The following PPP2R2C variants were observed in gnomAD, a reference collection of about 807,000 sequenced individuals.
The protein encoded by PPP2R2C is protein phosphatase 2 regulatory subunit Bgamma.
PPP2R2C carries 10 observed loss-of-function variants against 45.3 expected under a neutral mutation model. The observed-to-expected ratio is 0.22, with a 90% CI of 0.14 to 0.37. The LOEUF (loss-of-function observed/expected upper bound fraction) is 0.37. Ranked by LOEUF, PPP2R2C falls within the 10% of genes least tolerant of loss-of-function variation. The pLI is 1.00. For missense variants in PPP2R2C, 308 were observed against 619.7 expected (o/e 0.50, Z 5.34); for synonymous variants, 257 against 245.4 (o/e 1.05, Z -0.44).
At chr4:6,411,006 G>T (rs1051611244) in intron 1 of PPP2R2C, among the ~76,000 whole-genome samples, 4 of 151,886 alleles carry the variant, frequency 2.6e-5, no homozygotes, top group Admixed American at 2.6e-4. Context: ...AAGTAGCTGG[G>T]ACTACAGGCG....
intron 2 of PPP2R2C, among the ~76,000 whole-genome samples, chr4:6,519,136 A>G (rs1168698738): frequency 6.6e-6 from 1 of 152,112 alleles, no homozygotes; most frequent in Non-Finnish European, 1.5e-5. Flanking sequence ...CAGACTCCTG[A>G]GAGGGGAGCA....
chr4:6,548,869 G>A (rs77211997), intron 1 of PPP2R2C, among the ~76,000 whole-genome samples: 2,395 of 152,248 alleles, frequency 0.016, 57 homozygotes, highest in African/African-American at 0.055. Context: ...TCTTGAAGGG[G>A]GATCTGAGCC....
chr4:6,408,592 T>C (rs1717955948), intron 1 of PPP2R2C, among the ~76,000 whole-genome samples: 1 of 151,980 alleles, frequency 6.6e-6, no homozygotes, highest in Non-Finnish European at 1.5e-5. Context: ...AGCAGGCGAG[T>C]GATTTCAGAC....
At chr4:6,554,868 A>G (rs1264279140) in intron 1 of PPP2R2C, among the ~76,000 whole-genome samples, 11 of 149,296 alleles carry the variant, frequency 7.4e-5, no homozygotes, top group Admixed American at 3.3e-4. Flanking sequence ...TCAAAAAAAA[A>G]AAAAAGAAAA....
chr4:6,433,456 C>T (rs376596209), intron 1 of PPP2R2C, among the ~76,000 whole-genome samples: 99 of 152,252 alleles, frequency 6.5e-4, no homozygotes, highest in African/African-American at 2.2e-3. Flanking sequence ...TCGCCTGAAA[C>T]GGTGCCGCCA....
intron 2 of PPP2R2C, among the ~76,000 whole-genome samples, chr4:6,511,504 ATGG>A (rs1268380529): frequency 0.025 from 236 of 9,596 alleles, 23 homozygotes; most frequent in African/African-American, 0.072. Context: ...GATGGCGGTG[ATGG>A]TGGTGGTGGT....
chr4:6,507,962 T>C (rs1320847746), intron 2 of PPP2R2C, among the ~76,000 whole-genome samples: 8 of 152,186 alleles, frequency 5.3e-5, no homozygotes, highest in African/African-American at 1.9e-4. Context: ...GGATGAGCTG[T>C]AGAGCAAAAA....
chr4:6,562,003 C>T lies in PPP2R2C; in HGVS notation c.-59+1557G>A, dbSNP rs186160906. On this transcript the variant is annotated intron_variant, in intron 1 of 9. Transcript: ENST00000506140. ...AGACATGACCGGATATAGTCCCTGC[C>T]CTCAAGGGGTGAGGGTATTCCCAGG... Among the ~76,000 whole-genome samples the T allele has an allele frequency of 5.3e-5, 8 of 152,320 alleles. No individual in the cohort carries two copies. The East Asian group carries it at 1.5e-3, about 29-fold the overall frequency.
intron 2 of PPP2R2C, among the ~76,000 whole-genome samples, chr4:6,512,766 G>T (rs922733628): frequency 6.6e-6 from 1 of 151,812 alleles, no homozygotes; most frequent in Non-Finnish European, 1.5e-5. Context: ...ACCTGGGCCA[G>T]GGTCTGCACA....
At position 6,378,707 on chromosome 4, in the gene PPP2R2C, G is replaced by GA; in HGVS notation, c.169-136dup. On this transcript the variant is annotated intron_variant, in intron 2 of 8. Transcript: ENST00000382599. The surrounding 1 kb of genome is among the most constrained non-coding windows in gnomAD (Gnocchi z 5.2). ...CAGGGATCCAATTCGAGGGTCAAAT[G>GA]AAACTCTCTGCAGCTTAACCGGCCC... The GA allele has an allele frequency of 1.1e-6, 1 of 941,170 alleles. No individual in the cohort carries two copies. Among genetic ancestry groups the GA allele is most frequent in the Non-Finnish European group, 1.6e-6 (1 of 623,258 alleles). The allele number at this position is 941,170 out of a possible 1,614,324, so 58.3% of individuals were successfully genotyped here. A position where few individuals can be genotyped will look rare whatever the true frequency, so the allele number is the denominator to read the frequency against.
chr4:6,477,528 C>T (rs1722204134), upstream of PPP2R2C, among the ~76,000 whole-genome samples: 1 of 152,008 alleles, frequency 6.6e-6, no homozygotes, highest in South Asian at 2.1e-4. Context: ...AGATCAAGAC[C>T]ATCCTGGCTA....
At chr4:6,531,080 G>A (rs557718069) in intron 2 of PPP2R2C, among the ~76,000 whole-genome samples, 2 of 152,328 alleles carry the variant, frequency 1.3e-5, no homozygotes, top group South Asian at 2.1e-4. Context: ...CCCCTCCTGG[G>A]GCCAGGAGCT....
At chr4:6,356,264 G>C (rs1164760061) in intron 5 of PPP2R2C, among the ~76,000 whole-genome samples, 1 of 152,296 alleles carries the variant, frequency 6.6e-6, no homozygotes, top group East Asian at 1.9e-4. Context: ...CAGCTAACAC[G>C]TGCGGCCGGC....
chr4:6,482,257 A>G (rs1373646804), intron 2 of PPP2R2C, among the ~76,000 whole-genome samples: 1 of 152,198 alleles, frequency 6.6e-6, no homozygotes, highest in Non-Finnish European at 1.5e-5. Flanking sequence ...AAACTCAATT[A>G]ATCTTCCCAG....
intron 2 of PPP2R2C, among the ~76,000 whole-genome samples, chr4:6,512,426 G>C (rs184038170): frequency 7.7e-5 from 1 of 12,934 alleles, no homozygotes; most frequent in African/African-American, 2.9e-4. Flanking sequence ...GTGATGGTGG[G>C]GGTGGTGGTG....
Position 6,446,879 on chromosome 4 carries a change from TAA to T in PPP2R2C, c.70+25279_70+25280del, listed in dbSNP as rs5855913. Among the ~76,000 whole-genome samples the T allele has an allele frequency of 7.8e-3, 1,108 of 142,170 alleles. 12 individuals carry two copies. The highest frequency in any genetic ancestry group is 0.027 in the African/African-American group (1,057 of 38,672). The allele number at this position is 142,170 out of a possible 152,430, so 93.3% of individuals were successfully genotyped here. Reference sequence around the variant, plus strand: ...TTTTATAAAGCAAAGTGTCTGCTTGTAAAAAAAAAAAAACAAAACATGCTGGA... The same window carrying T: ...TTTTATAAAGCAAAGTGTCTGCTTGTAAAAAAAAAAACAAAACATGCTGGA... On this transcript the variant is annotated intron_variant, in intron 1 of 8. Coordinates refer to ENST00000382599, the MANE Select transcript of PPP2R2C (RefSeq NM_020416.4).
At chr4:6,417,302 G>A (rs1019762032) in intron 1 of PPP2R2C, among the ~76,000 whole-genome samples, 6 of 152,206 alleles carry the variant, frequency 3.9e-5, no homozygotes, top group African/African-American at 9.6e-5. Context: ...CCCCATCCAC[G>A]GGATTTTCAC....
intron 5 of PPP2R2C, among the ~76,000 whole-genome samples, chr4:6,370,243 C>A (rs1213761566): frequency 6.6e-6 from 1 of 152,248 alleles, no homozygotes. Context: ...GGGCCAGTCC[C>A]TCATCTCCCC....
chr4:6,464,187 A>G (rs1400769649), intron 1 of PPP2R2C, among the ~76,000 whole-genome samples: 1 of 152,266 alleles, frequency 6.6e-6, no homozygotes, highest in Non-Finnish European at 1.5e-5. Flanking sequence ...TCCAGCATAT[A>G]GTATTATAGT....
Sources: gnomAD v4.1 joint callset for allele counts (sites outside exome capture counted in the v4.1 genomes callset) on GRCh38, gnomAD v4.1.1 for gene constraint, Gnocchi (gnomAD v3.1) non-coding constraint, MANE v1.5 for transcripts, NCBI Gene and HGNC (gene_info 2026-07-23, HGNC 2026-07-21) for gene names.